The following B3GALNT2 variants were observed in gnomAD, a reference collection of about 807,000 sequenced individuals.
The protein encoded by B3GALNT2 is beta-1,3-N-acetylgalactosaminyltransferase 2, also known as UDP-GalNAc:beta-1,3-N-acetylgalactosaminyltransferase 2.
Under a neutral mutation model 61.1 loss-of-function variants are expected in B3GALNT2, and 53 were observed. That is an observed-to-expected ratio of 0.87 (90% CI 0.70 to 1.09). The LOEUF is 1.09. Ranked by LOEUF, B3GALNT2 falls within the 50% of genes least tolerant of loss-of-function variation. The probability of loss-of-function intolerance (pLI) is 0.00; values close to 1 mark genes in which losing one functional copy is unlikely to be tolerated. For synonymous variants in B3GALNT2, 223 were observed against 237.4 expected (o/e 0.94, Z 0.56); for missense variants, 544 against 623.0 (o/e 0.87, Z 1.35).
intron 5 of B3GALNT2, among the ~76,000 whole-genome samples, chr1:235,476,319 G>A (rs557652316): frequency 2.2e-4 from 33 of 152,334 alleles, no homozygotes; most frequent in Admixed American, 5.2e-4. Flanking sequence ...GCTGAGGCAG[G>A]AGAATTGCTT....
Position 235,455,594 on chromosome 1 carries a change from T to A in B3GALNT2, c.1116A>T (p.Gln372His). 1 of 1,612,128 alleles carries A rather than the reference T, an allele frequency of 6.2e-7. No individual in the cohort carries two copies. Among genetic ancestry groups the A allele is most frequent in the Non-Finnish European group, 8.5e-7 (1 of 1,178,126 alleles). The change falls in exon 9 of 12, where the codon CAA becomes CAT. Residue 372 changes from glutamine to histidine, a missense_variant. By Grantham distance (24) the Gln-to-His change is conservative (BLOSUM62 0). Coordinates refer to ENST00000366600, the MANE Select transcript of B3GALNT2 (RefSeq NM_152490.5). The part of the protein sequence containing the change: ...DLEAVFNRIV[Q>H]KNLDGPNFWW... ...AAAAATTAGGCCCATCCAGATTCTT[T>A]TGGACAATCCTATTAAATACAGCTT...
In B3GALNT2 at chr1:235,448,656, C is replaced by G; in HGVS notation, c.*1550G>C. ...TCTTAATCACATCCTTCCCCACCTT[C>G]GTTCTAATTTTAGAAGCCGGGCAGA... On this transcript the variant is annotated 3_prime_UTR_variant, in exon 12 of 12. Transcript: ENST00000366600. 3 of 1,606,828 alleles carry G rather than the reference C, an allele frequency of 1.9e-6. No individual in the cohort carries two copies. The highest frequency in any genetic ancestry group is 2.6e-6 in the Non-Finnish European group (3 of 1,173,532).
chr1:235,503,929 T>C (rs1414090046), intron 1 of B3GALNT2, among the ~76,000 whole-genome samples: 1 of 152,054 alleles, frequency 6.6e-6, no homozygotes, highest in African/African-American at 2.4e-5. Flanking sequence ...AACGGGGAAG[T>C]GAGAAGAGGC....
intron 1 of B3GALNT2, among the ~76,000 whole-genome samples, chr1:235,502,503 G>A (rs1685627616): frequency 6.6e-6 from 1 of 152,166 alleles, no homozygotes; most frequent in Admixed American, 6.5e-5. Flanking sequence ...AACATAACTA[G>A]TATTGATCTT....
chr1:235,443,195 T>TATATAC (rs145989548), downstream of B3GALNT2, among the ~76,000 whole-genome samples: 26 of 149,632 alleles, frequency 1.7e-4, no homozygotes, highest in African/African-American at 5.7e-4. Flanking sequence ...CATATATATA[T>TATATAC]ACACACACAC....
intron 5 of B3GALNT2, among the ~76,000 whole-genome samples, chr1:235,477,759 A>G (rs966354279): frequency 9.8e-5 from 15 of 152,318 alleles, no homozygotes; most frequent in Middle Eastern, 6.8e-3. Context: ...CGGAGGGCAA[A>G]TTGCCCCTGG....
rs955166294 is a variant in B3GALNT2, at chr1:235,499,032, T to G, written c.113-4204A>C. Among the ~76,000 whole-genome samples, 7 of 152,218 alleles carry G rather than the reference T, an allele frequency of 4.6e-5. No individual in the cohort carries two copies. In the East Asian group the frequency reaches 1.3e-3, roughly 29 times the overall value. On this transcript the variant is annotated intron_variant, in intron 1 of 11. Coordinates refer to ENST00000366600, the MANE Select transcript of B3GALNT2 (RefSeq NM_152490.5). ...AATCAGTGATACACTCAGAAGATCT[T>G]TATTAATCATAGTGTCACCTATTAA... is the stretch of plus-strand genomic sequence containing the variant.
Position 235,498,422 on chromosome 1 carries a change from CAA to C in B3GALNT2, c.113-3596_113-3595del, listed in dbSNP as rs3980754. Among the ~76,000 whole-genome samples the C allele has an allele frequency of 7.3e-3, 1,118 of 152,276 alleles. 20 individuals are homozygous for C. The highest frequency in any genetic ancestry group is 0.026 in the African/African-American group (1,060 of 41,560). On this transcript the variant is annotated intron_variant, in intron 1 of 11. Transcript: ENST00000366600. ...AAACATGTTCAACTTCAATAAGAATCAAGTTTGAATTAGAGCAATGAGACACC... is the reference window on the plus strand; with the variant it reads ...AAACATGTTCAACTTCAATAAGAATCGTTTGAATTAGAGCAATGAGACACC...
intron 8 of B3GALNT2, 27 bp downstream of exon 8, chr1:235,458,576 T>C (rs774674098): frequency 8.4e-6 from 13 of 1,553,356 alleles, no homozygotes; most frequent in Non-Finnish European, 1.1e-5. Flanking sequence ...AAACAAGTTC[T>C]AGCTACCCAA....
At chr1:235,480,723 G>A (rs1340199497) in intron 4 of B3GALNT2, among the ~76,000 whole-genome samples, 2 of 151,716 alleles carry the variant, frequency 1.3e-5, no homozygotes, top group Admixed American at 6.6e-5. Context: ...TGGCCAACAT[G>A]TGAAACTCCA....
intron 10 of B3GALNT2, 147 bp from the exon 11 acceptor site, chr1:235,453,293 C>T (rs1392383941): frequency 1.3e-6 from 1 of 768,002 alleles, no homozygotes; most frequent in East Asian, 2.7e-5. Context: ...AATGGGTTCA[C>T]ATGAAGTCAA....
chr1:235,478,964 T>G (rs1684429461), intron 5 of B3GALNT2: 1 of 152,228 alleles, frequency 6.6e-6, no homozygotes, highest in African/African-American at 2.4e-5. Context: ...TTTAATTTAT[T>G]TTTTGACTGC....
downstream of B3GALNT2, chr1:235,442,955 G>T (rs368077100): frequency 6.4e-4 from 1,024 of 1,598,230 alleles, no homozygotes; most frequent in Non-Finnish European, 8.4e-4. Context: ...CTGAATCATC[G>T]GCCTAGGTAT....
At chr1:235,473,013 C>G (rs1481080469) in intron 5 of B3GALNT2, among the ~76,000 whole-genome samples, 1 of 152,092 alleles carries the variant, frequency 6.6e-6, no homozygotes, top group East Asian at 1.9e-4. Context: ...GGTCCTGGTT[C>G]AAGTGATTCT....
intron 8 of B3GALNT2, among the ~76,000 whole-genome samples, chr1:235,458,273 A>C (rs746547268): frequency 5.3e-5 from 8 of 152,164 alleles, no homozygotes; most frequent in Admixed American, 3.9e-4. Flanking sequence ...AGCATCTTAG[A>C]AGCTCAGTTT....
At chr1:235,483,370 C>T (rs924816548) in intron 4 of B3GALNT2, among the ~76,000 whole-genome samples, 15 of 152,106 alleles carry the variant, frequency 9.9e-5, no homozygotes, top group African/African-American at 2.9e-4. Flanking sequence ...GTTGAAAATC[C>T]CCCAAATTTG....
chr1:235,460,577 TG>T (rs906599649), intron 7 of B3GALNT2, among the ~76,000 whole-genome samples: 1 of 151,520 alleles, frequency 6.6e-6, no homozygotes, highest in Non-Finnish European at 1.5e-5. Context: ...TTATTTCCTT[TG>T]TTTTTTTTTT....
Position 235,484,419 on chromosome 1 carries a change from T to C in B3GALNT2, c.458A>G (p.Tyr153Cys), listed in dbSNP as rs757111780. The change falls in exon 4 of 12, where the codon TAC becomes TGC. Residue 153 changes from tyrosine (Y) to cysteine (C), a missense_variant. Coordinates refer to ENST00000366600, the MANE Select transcript of B3GALNT2 (RefSeq NM_152490.5). ...TCCAAGACTGGTAATAACGATGGGGTAGAGAACTCGGAAACTCACGCTGAC... is the reference window on the plus strand; with the variant it reads ...TCCAAGACTGGTAATAACGATGGGGCAGAGAACTCGGAAACTCACGCTGAC... Reference protein sequence around the residue: ...RVVSVSFRVLYPIVITSLGVF... With the variant: ...RVVSVSFRVLCPIVITSLGVF... The C allele has an allele frequency of 1.1e-5, 18 of 1,614,026 alleles. No homozygotes were observed. In the Admixed American group the frequency reaches 1.5e-4, roughly 13 times the overall value.
At chr1:235,481,365 A>C (rs1468542796) in intron 4 of B3GALNT2, among the ~76,000 whole-genome samples, 1 of 152,236 alleles carries the variant, frequency 6.6e-6, no homozygotes, top group Non-Finnish European at 1.5e-5. Flanking sequence ...TTTTTGAGAC[A>C]GTCTCACTCT....
Sources: allele counts gnomAD v4.1 joint callset (sites outside exome capture counted in the v4.1 genomes callset), GRCh38; gene constraint gnomAD v4.1.1; transcripts MANE v1.5; gene names NCBI Gene and HGNC (gene_info 2026-07-23, HGNC 2026-07-21).